The following HS3ST3B1 variants were observed in gnomAD, a reference collection of about 807,000 sequenced individuals.
HS3ST3B1 encodes heparan sulfate-glucosamine 3-sulfotransferase 3B1.
HS3ST3B1 carries 13 observed loss-of-function variants against 21.3 expected under a neutral mutation model. The observed-to-expected ratio is 0.61, with a 90% CI of 0.40 to 0.97. The LOEUF is 0.97. HS3ST3B1 is among the 50% of genes least tolerant of loss of function. HS3ST3B1 has a pLI of 0.00. For synonymous variants in HS3ST3B1, 234 were observed against 254.8 expected, an observed-to-expected ratio of 0.92 and a Z score of 0.78; for missense variants, 459 against 554.8, an observed-to-expected ratio of 0.83 and a Z score of 1.73.
chr17:14,345,739 T>A lies in HS3ST3B1; in HGVS notation c.*93T>A. The stretch of plus-strand genomic sequence containing the variant: ...GTACAGAAATCTATTTTATAATAAT[T>A]TATTTTTAATTCATAAGCAATTAAT... On this transcript the variant is annotated 3_prime_UTR_variant, in exon 2 of 2. Coordinates refer to ENST00000360954, the MANE Select transcript of HS3ST3B1 (RefSeq NM_006041.3). The A allele has an allele frequency of 7.0e-7, 1 of 1,421,660 alleles. No individual in the cohort carries two copies. Among genetic ancestry groups the A allele is most frequent in the Middle Eastern group, 2.1e-4 (1 of 4,800 alleles). 88.1% of individuals were successfully genotyped at this position (1,421,660 alleles called of 1,614,324 possible).
intron 1 of HS3ST3B1, among the ~76,000 whole-genome samples, chr17:14,342,700 G>T (rs975702377): frequency 6.6e-6 from 1 of 151,964 alleles, no homozygotes; most frequent in Non-Finnish European, 1.5e-5. Flanking sequence ...AGAAAAAGAC[G>T]CCCAGAAAAG....
chr17:14,343,897 CT>C (rs55786183), intron 1 of HS3ST3B1, among the ~76,000 whole-genome samples: 24 of 144,462 alleles, frequency 1.7e-4, no homozygotes, highest in Admixed American at 2.8e-4. Context: ...TAATTTCTTT[CT>C]TTTTTTTTTT....
intron 1 of HS3ST3B1, among the ~76,000 whole-genome samples, chr17:14,323,802 C>T (rs1349573413): frequency 6.6e-6 from 1 of 152,124 alleles, no homozygotes; most frequent in Admixed American, 6.5e-5. Flanking sequence ...GAGGTTTGAG[C>T]TTGATTAATC....
intron 1 of HS3ST3B1, among the ~76,000 whole-genome samples, chr17:14,334,949 T>A (rs952220887): frequency 6.6e-6 from 1 of 151,882 alleles, no homozygotes; most frequent in African/African-American, 2.4e-5. Flanking sequence ...GCTGGGAACA[T>A]GTTTTGCTTT....
At chr17:14,321,457 C>T (rs1055992864) in intron 1 of HS3ST3B1, among the ~76,000 whole-genome samples, 1 of 152,194 alleles carries the variant, frequency 6.6e-6, no homozygotes, top group Non-Finnish European at 1.5e-5. Flanking sequence ...TTAGGATCAG[C>T]TCTCTTTTCC....
At chr17:14,329,444 A>AAGGG in intron 1 of HS3ST3B1, 1 of 150,662 alleles carries the variant, frequency 6.6e-6, no homozygotes, top group Admixed American at 6.6e-5. Context: ...GAAGGAAAGG[A>AAGGG]AGGGAGGGAG....
At chr17:14,339,499 A>G (rs2142351794) in intron 1 of HS3ST3B1, among the ~76,000 whole-genome samples, 1 of 152,324 alleles carries the variant, frequency 6.6e-6, no homozygotes, top group East Asian at 1.9e-4. Context: ...GAATGGAAGA[A>G]GGCCCATCAG....
At chr17:14,326,777 T>C (rs999279763) in intron 1 of HS3ST3B1, among the ~76,000 whole-genome samples, 2 of 151,760 alleles carry the variant, frequency 1.3e-5, no homozygotes, top group African/African-American at 4.8e-5. Context: ...AAAAACTAGC[T>C]GGACGTGGTG....
At chr17:14,315,802 C>T (rs1909478906) in intron 1 of HS3ST3B1, among the ~76,000 whole-genome samples, 1 of 143,064 alleles carries the variant, frequency 7.0e-6, no homozygotes, top group South Asian at 2.2e-4. Context: ...GCCTGGGCAA[C>T]AAGAGTGAGA....
intron 1 of HS3ST3B1, among the ~76,000 whole-genome samples, chr17:14,305,776 T>C (rs1468314861): frequency 1.3e-5 from 2 of 152,132 alleles, no homozygotes; most frequent in Non-Finnish European, 2.9e-5. Flanking sequence ...GCATAATAAA[T>C]GGTGGTAGCT....
chr17:14,309,153 T>C (rs1909223163), intron 1 of HS3ST3B1, among the ~76,000 whole-genome samples: 1 of 152,108 alleles, frequency 6.6e-6, no homozygotes, highest in South Asian at 2.1e-4. Context: ...TCTGGAAGGG[T>C]GGCCGGGGGC....
rs1567645929 is a variant in HS3ST3B1 at position 14,345,813 on chromosome 17, G to A, written c.*167G>A. The stretch of plus-strand genomic sequence containing the variant: ...CTTTAGAGAGTTAGCTTCATAATCT[G>A]TTAACATTCCAAAGTGTTTAACTCT... On this transcript the variant is annotated 3_prime_UTR_variant, in exon 2 of 2. Coordinates refer to ENST00000360954, the MANE Select transcript of HS3ST3B1 (RefSeq NM_006041.3). 1 of 875,054 alleles carries A rather than the reference G, an allele frequency of 1.1e-6. No homozygotes were observed. Among genetic ancestry groups the A allele is most frequent in the Admixed American group, 3.4e-5 (1 of 29,402 alleles). The allele number at this position is 875,054 out of a possible 1,614,324, so 54.2% of individuals were successfully genotyped here.
At chr17:14,326,631 G>A (rs114080288) in intron 1 of HS3ST3B1, among the ~76,000 whole-genome samples, 6,454 of 152,078 alleles carry the variant, frequency 0.042, 240 homozygotes, top group African/African-American at 0.1. Context: ...CCTACTCTTG[G>A]GGCAGGCTCA....
chr17:14,316,562 G>A (rs574703676), intron 1 of HS3ST3B1, among the ~76,000 whole-genome samples: 3 of 152,248 alleles, frequency 2.0e-5, no homozygotes, highest in Admixed American at 2.0e-4. Flanking sequence ...GGCCCTGTGT[G>A]GCGCTTGTGG....
chr17:14,306,610 C>G (rs962745858), intron 1 of HS3ST3B1, among the ~76,000 whole-genome samples: 4 of 152,312 alleles, frequency 2.6e-5, no homozygotes, highest in African/African-American at 9.6e-5. Context: ...TAGCTATATT[C>G]CCCACATTTT....
chr17:14,311,679 C>T (rs75152535), intron 1 of HS3ST3B1, among the ~76,000 whole-genome samples: 292 of 152,284 alleles, frequency 1.9e-3, no homozygotes, highest in Admixed American at 3.7e-3. Flanking sequence ...AAAATCCCGT[C>T]GGTGCACTTG....
chr17:14,310,703 C>T (rs1323947363), intron 1 of HS3ST3B1, among the ~76,000 whole-genome samples: 1 of 152,186 alleles, frequency 6.6e-6, no homozygotes, highest in African/African-American at 2.4e-5. Flanking sequence ...CCCTGCCGGT[C>T]CTGGCCTTGT....
In HS3ST3B1 at chr17:14,348,144, A is replaced by G. The variant is rs1910629591; in HGVS notation, c.*2498A>G. Reference sequence around the variant, plus strand: ...TCAGAGAAGAGTATGCAACAAAGCCATAGGAAAACACACAGGAGCTTTTCC... The same window carrying G: ...TCAGAGAAGAGTATGCAACAAAGCCGTAGGAAAACACACAGGAGCTTTTCC... On this transcript the variant is annotated 3_prime_UTR_variant, in exon 2 of 2. Coordinates refer to ENST00000360954, the MANE Select transcript of HS3ST3B1 (RefSeq NM_006041.3). 1 of 152,210 alleles carries G rather than the reference A, an allele frequency of 6.6e-6. No homozygotes were observed. Among genetic ancestry groups the G allele is most frequent in the South Asian group, 2.1e-4 (1 of 4,832 alleles). The allele number at this position is 152,210 out of a possible 1,614,324, so 9.4% of individuals were successfully genotyped here.
intron 1 of HS3ST3B1, among the ~76,000 whole-genome samples, chr17:14,311,685 A>G (rs1279982144): frequency 6.6e-6 from 1 of 152,164 alleles, no homozygotes; most frequent in Non-Finnish European, 1.5e-5. Context: ...CCGTCGGTGC[A>G]CTTGCTCTTA....
Sources: allele counts gnomAD v4.1 joint callset (sites outside exome capture counted in the v4.1 genomes callset), GRCh38; gene constraint gnomAD v4.1.1; transcripts MANE v1.5; gene names NCBI Gene and HGNC (gene_info 2026-07-23, HGNC 2026-07-21).